CACNA1A: variants seen among roughly 807,000 people sequenced by gnomAD.
CACNA1A encodes calcium voltage-gated channel subunit alpha1 A.
CACNA1A carries 57 observed loss-of-function variants against 262.4 expected under a neutral mutation model. The observed-to-expected ratio is 0.22, with a 90% CI of 0.18 to 0.27. The LOEUF is 0.27. Among genes scored for constraint, CACNA1A ranks in the 10% least tolerant of loss-of-function variants. The probability of loss-of-function intolerance (pLI) is 1.00; values close to 1 mark genes in which losing one functional copy is unlikely to be tolerated. For missense variants in CACNA1A, 2,526 were observed against 3,562.8 expected, an observed-to-expected ratio of 0.71 and a Z score of 7.41; for synonymous variants, 1,431 against 1,419.3, an observed-to-expected ratio of 1.01 and a Z score of -0.18.
chr19:13,237,112 A>C (rs1045977256), intron 31 of CACNA1A, among the ~76,000 whole-genome samples: 5 of 152,056 alleles, frequency 3.3e-5, no homozygotes, highest in African/African-American at 9.7e-5. Flanking sequence ...CATGATCTCC[A>C]GTTTTCCAGG....
chr19:13,497,570 ATATAT>A (rs1568710081), intron 1 of CACNA1A, among the ~76,000 whole-genome samples: 6 of 36,966 alleles, frequency 1.6e-4, no homozygotes, highest in East Asian at 8.1e-4. Context: ...ATATATATAT[ATATAT>A]ATATAAATTT....
chr19:13,427,452 C>CT (rs1762891014), intron 3 of CACNA1A, among the ~76,000 whole-genome samples: 1 of 65,448 alleles, frequency 1.5e-5, no homozygotes, highest in African/African-American at 6.8e-5. Context: ...AACTCCATCT[C>CT]AAAATAAATA....
At chr19:13,297,627 A>G (rs2057691077) in intron 19 of CACNA1A, among the ~76,000 whole-genome samples, 1 of 152,138 alleles carries the variant, frequency 6.6e-6, no homozygotes, top group Admixed American at 6.5e-5. Flanking sequence ...CCTGGGAAAC[A>G]CAGTGAAACC....
chr19:13,227,903 CTTTTTTTTTTT>C (rs34218031), intron 36 of CACNA1A, among the ~76,000 whole-genome samples: 6 of 74,260 alleles, frequency 8.1e-5, no homozygotes, highest in South Asian at 1.4e-3. Flanking sequence ...TGTTCATTGC[CTTTTTTTTTTT>C]TTTTTTTTTT....
intron 46 of CACNA1A, among the ~76,000 whole-genome samples, chr19:13,208,529 G>A (rs1237400770): frequency 6.8e-6 from 1 of 147,726 alleles, no homozygotes; most frequent in Non-Finnish European, 1.5e-5. Flanking sequence ...GGGAGGGGGC[G>A]GCGGGTGGGC....
In CACNA1A at chr19:13,212,306, T is replaced by TG; in HGVS notation, c.6189+77dup. On this transcript the variant is annotated intron_variant, in intron 42 of 46. Coordinates refer to ENST00000360228, the MANE Select transcript of CACNA1A (RefSeq NM_001127222.2). This position sits in a 1 kb window ranked among gnomAD's most constrained non-coding sequence, Gnocchi z 5.6. ...AGAGGGAGGGAGCTGCAGGTGTGTG[T>TG]GTGTGGGGGGCCCAGATCCCTTCCA... The TG allele has an allele frequency of 6.4e-7, 1 of 1,561,840 alleles. No homozygotes were observed. Among genetic ancestry groups the TG allele is most frequent in the South Asian group, 1.1e-5 (1 of 89,228 alleles).
At chr19:13,301,772 C>T (rs559289375) in intron 17 of CACNA1A, among the ~76,000 whole-genome samples, 4 of 152,282 alleles carry the variant, frequency 2.6e-5, no homozygotes, top group East Asian at 1.9e-4. Flanking sequence ...CGCTGTGCTC[C>T]GAATCACTGG....
intron 36 of CACNA1A, chr19:13,229,879 T>C (rs2055600321): frequency 2.0e-6 from 1 of 493,416 alleles, no homozygotes; most frequent in Admixed American, 3.5e-5. Context: ...GTCCAGGGTT[T>C]GGGCAGGGTT....
At chr19:13,231,091 C>G (rs1309569343) in intron 35 of CACNA1A, among the ~76,000 whole-genome samples, 2 of 151,886 alleles carry the variant, frequency 1.3e-5, no homozygotes, top group Non-Finnish European at 2.9e-5. Context: ...GCAGCCTCGA[C>G]CTCCAAGGCT....
intron 38 of CACNA1A, among the ~76,000 whole-genome samples, chr19:13,220,571 C>CTTGA (rs1213871352): frequency 9.9e-5 from 15 of 152,194 alleles, no homozygotes; most frequent in African/African-American, 3.6e-4. Context: ...TGGCTGACAC[C>CTTGA]TTGATTTCAG....
intron 34 of CACNA1A, 52 bp from the exon 35 acceptor site, chr19:13,231,912 C>T: frequency 1.9e-6 from 3 of 1,568,372 alleles, no homozygotes; most frequent in Non-Finnish European, 2.6e-6. Context: ...GACTGGGTAC[C>T]AACGCCTCCC....
At chr19:13,432,530 G>T (rs1424895892) in intron 3 of CACNA1A, among the ~76,000 whole-genome samples, 1 of 152,074 alleles carries the variant, frequency 6.6e-6, no homozygotes, top group African/African-American at 2.4e-5. Flanking sequence ...TGGTGGTGGA[G>T]GGATTGGGGA....
Position 13,335,881 on chromosome 19 carries a change from T to A in CACNA1A, c.1007A>T (p.Asn336Ile). Residue 336 changes from asparagine (N) to isoleucine (I), a missense_variant, in exon 7 of 47, where the codon AAC becomes ATC. Asn to Ile is a moderately radical substitution (Grantham distance 149, BLOSUM62 -3). Around this residue, in one of 17 missense-constraint regions of CACNA1A, gnomAD observed 52 missense variants for 124.0 expected, o/e 0.42. Coordinates refer to ENST00000360228, the MANE Select transcript of CACNA1A (RefSeq NM_001127222.2). Reference sequence around the variant, plus strand: ...GATGAGGGGGATGAAGTACAACCAGTTCCAAGTGTTCCCTGAGGCATCGTT... The same window carrying A: ...GATGAGGGGGATGAAGTACAACCAGATCCAAGTGTTCCCTGAGGCATCGTT... ...NSNDASGNTW[N>I]WLYFIPLIII... 6.2e-7 allele frequency: 1 copy of A among 1,607,742 alleles called. No homozygotes were observed.
rs559629158 is a variant in CACNA1A, at chr19:13,289,385, G to A, written c.3090-2419C>T. Among the ~76,000 whole-genome samples, 269 of 152,086 alleles carry A rather than the reference G, an allele frequency of 1.8e-3. 5 individuals carry two copies. The highest frequency in any genetic ancestry group is 6.1e-3 in the African/African-American group (254 of 41,476). On this transcript the variant is annotated intron_variant, in intron 19 of 46. Coordinates refer to ENST00000360228, the MANE Select transcript of CACNA1A (RefSeq NM_001127222.2). ...TGGTCTCAAACTCCTGGGATCAAGC[G>A]ACCCTCTTGCCTCAGCCTCCCAAAA...
rs1445746271 is a variant in CACNA1A at position 13,298,920 on chromosome 19, C to A, written c.2713G>T (p.Ala905Ser). The change falls in exon 19 of 47, where the codon GCC becomes TCC. Residue 905 changes from alanine to serine, a missense_variant. By Grantham distance (99) the Ala-to-Ser change is moderately conservative (BLOSUM62 1). Coordinates refer to ENST00000360228, the MANE Select transcript of CACNA1A (RefSeq NM_001127222.2). ...GGTTGCTCCAGGCTGCCCTCCCGGG[C>A]GTGGTGGTCCGACTCGCGGCCGTAG... ...GPYGRESDHH[A>S]REGSLEQPGF... 1 of 1,594,598 alleles carries A rather than the reference C, an allele frequency of 6.3e-7. No individual in the cohort carries two copies. The highest frequency in any genetic ancestry group is 1.3e-5 in the African/African-American group (1 of 74,906).
At chr19:13,313,987 TGACCTAAAAA>T (rs2058080985) in intron 11 of CACNA1A, among the ~76,000 whole-genome samples, 1 of 152,192 alleles carries the variant, frequency 6.6e-6, no homozygotes, top group African/African-American at 2.4e-5. Flanking sequence ...GTGTTGTGAG[TGACCTAAAAA>T]GTCTTGAGTA....
At chr19:13,357,069 G>A (rs972547102) in intron 6 of CACNA1A, among the ~76,000 whole-genome samples, 1 of 152,202 alleles carries the variant, frequency 6.6e-6, no homozygotes, top group Admixed American at 6.5e-5. Flanking sequence ...TGCAGTGCGT[G>A]ACAGGCGCAA....
intron 1 of CACNA1A, among the ~76,000 whole-genome samples, chr19:13,494,731 C>T (rs1019427815): frequency 6.6e-6 from 1 of 152,124 alleles, no homozygotes; most frequent in African/African-American, 2.4e-5. Context: ...AAAGGGAAAG[C>T]AAGGCACGTC....
chr19:13,413,167 C>T (rs951566488), intron 3 of CACNA1A, among the ~76,000 whole-genome samples: 13 of 150,766 alleles, frequency 8.6e-5, no homozygotes, highest in East Asian at 2.0e-4. Flanking sequence ...AGTGCAGTGG[C>T]GTGATCTCAG....
Sources: allele counts gnomAD v4.1 joint callset (sites outside exome capture counted in the v4.1 genomes callset), GRCh38; gene constraint gnomAD v4.1.1; regional missense constraint gnomAD v4.1.1; non-coding constraint Gnocchi (gnomAD v3.1); transcripts MANE v1.5; gene names NCBI Gene and HGNC (gene_info 2026-07-23, HGNC 2026-07-21).